DAPK1: variants seen among roughly 807,000 people sequenced by gnomAD.
The protein encoded by DAPK1 is death-associated protein kinase 1.
In DAPK1, 56 loss-of-function variants were observed where a neutral mutation model predicts 144.9. The ratio of observed to expected loss-of-function variants is 0.39; its 90% confidence interval spans 0.31 to 0.48. The LOEUF is 0.48. DAPK1 is among the 20% of genes least tolerant of loss of function. The pLI is 0.95. For missense variants in DAPK1, 1,454 were observed against 1,875.4 expected, an observed-to-expected ratio of 0.78 and a Z score of 4.15; for synonymous variants, 690 against 749.0, an observed-to-expected ratio of 0.92 and a Z score of 1.29.
intron 2 of DAPK1, among the ~76,000 whole-genome samples, chr9:87,603,147 G>A (rs1280005146): frequency 6.6e-6 from 1 of 152,042 alleles, no homozygotes; most frequent in Non-Finnish European, 1.5e-5. Flanking sequence ...TGCCTGGTGG[G>A]GACACAATAA....
At chr9:87,641,746 C>T (rs928885249) in intron 9 of DAPK1, among the ~76,000 whole-genome samples, 2 of 152,186 alleles carry the variant, frequency 1.3e-5, no homozygotes, top group African/African-American at 2.4e-5. Context: ...ACCCCAAGCT[C>T]TACTTCTCCC....
chr9:87,684,374 C>T (rs890568108), intron 20 of DAPK1, among the ~76,000 whole-genome samples: 2 of 152,010 alleles, frequency 1.3e-5, no homozygotes, highest in African/African-American at 4.8e-5. Context: ...CTCTGGACAC[C>T]AGTGACCTCT....
chr9:87,537,652 G>A (rs143724486), intron 2 of DAPK1, among the ~76,000 whole-genome samples: 1 of 152,242 alleles, frequency 6.6e-6, no homozygotes. Context: ...TATGATCTGT[G>A]TGTGCGCGTT....
At chr9:87,586,666 C>G (rs1292886615) in intron 2 of DAPK1, among the ~76,000 whole-genome samples, 1 of 152,090 alleles carries the variant, frequency 6.6e-6, no homozygotes, top group Non-Finnish European at 1.5e-5. Flanking sequence ...TTCTTTTTGC[C>G]TATGTCTGAG....
intron 2 of DAPK1, among the ~76,000 whole-genome samples, chr9:87,593,375 T>C (rs929204588): frequency 6.6e-6 from 1 of 152,168 alleles, no homozygotes; most frequent in African/African-American, 2.4e-5. Context: ...TGCAGGCAAA[T>C]AGTATCTTGA....
chr9:87,599,581 G>C (rs1252971728), intron 2 of DAPK1, among the ~76,000 whole-genome samples: 2 of 152,146 alleles, frequency 1.3e-5, no homozygotes, highest in Admixed American at 1.3e-4. Context: ...GTATGTATCT[G>C]ACCATGAGTA....
intron 15 of DAPK1, 101 bp from the exon 16 acceptor site, chr9:87,649,820 G>C (rs546954868): frequency 9.4e-7 from 1 of 1,063,988 alleles, no homozygotes; most frequent in Non-Finnish European, 1.5e-6. Flanking sequence ...CTGCTGCCTT[G>C]GTTGCGTTTC....
At chr9:87,650,324 T>C in intron 16 of DAPK1, 1 of 552,594 alleles carries the variant, frequency 1.8e-6, no homozygotes, top group Non-Finnish European at 3.2e-6. Context: ...TATAACAAAA[T>C]TCATGAGTTG....
At chr9:87,519,235 C>T (rs555730706) in intron 2 of DAPK1, among the ~76,000 whole-genome samples, 23 of 152,344 alleles carry the variant, frequency 1.5e-4, no homozygotes, top group African/African-American at 5.0e-4. Flanking sequence ...AGGCACCTCC[C>T]GCATGCACCA....
intron 20 of DAPK1, among the ~76,000 whole-genome samples, chr9:87,683,735 C>A (rs923187659): frequency 6.6e-6 from 1 of 152,164 alleles, no homozygotes; most frequent in Non-Finnish European, 1.5e-5. Context: ...GACCCTTTTT[C>A]TGCACGCCCC....
At chr9:87,542,414 A>G (rs1053373807) in intron 2 of DAPK1, among the ~76,000 whole-genome samples, 4 of 152,204 alleles carry the variant, frequency 2.6e-5, no homozygotes, top group African/African-American at 9.7e-5. Context: ...TAAGGAATAA[A>G]GTCATGCTGT....
intron 19 of DAPK1, among the ~76,000 whole-genome samples, chr9:87,675,485 T>G (rs11141939): frequency 0.15 from 23,252 of 151,862 alleles, 2,160 homozygotes; most frequent in East Asian, 0.27. Context: ...TCAGAGGATG[T>G]ACCTGGGTGT....
chr9:87,647,531 C>A, intron 14 of DAPK1, 128 bp downstream of exon 14: 1 of 760,150 alleles, frequency 1.3e-6, no homozygotes, highest in Non-Finnish European at 2.3e-6. Flanking sequence ...ACCTGCAGAA[C>A]ATTTAAGTTG....
At chr9:87,600,599 A>G (rs1469937577) in intron 2 of DAPK1, among the ~76,000 whole-genome samples, 1 of 152,158 alleles carries the variant, frequency 6.6e-6, no homozygotes, top group East Asian at 1.9e-4. Context: ...TCTCAAGAAA[A>G]GAAAAAAAAA....
intron 2 of DAPK1, among the ~76,000 whole-genome samples, chr9:87,517,428 C>T (rs1464623963): frequency 6.6e-6 from 1 of 152,072 alleles, no homozygotes; most frequent in Admixed American, 6.5e-5. Context: ...CTGAGACTCC[C>T]CACTGTTCTC....
At chr9:87,559,310 C>CTAGGCTAGGG in intron 2 of DAPK1, among the ~76,000 whole-genome samples, 1 of 136,686 alleles carries the variant, frequency 7.3e-6, no homozygotes, top group African/African-American at 3.6e-5. Context: ...GTAGGCTAGG[C>CTAGGCTAGGG]TAGGGTAGGG....
intron 2 of DAPK1, among the ~76,000 whole-genome samples, chr9:87,574,240 G>T (rs551484261): frequency 6.6e-6 from 1 of 152,288 alleles, no homozygotes; most frequent in African/African-American, 2.4e-5. Flanking sequence ...TAGTTATGTG[G>T]CCATAAGGAA....
At chr9:87,543,446 C>T (rs1017617724) in intron 2 of DAPK1, among the ~76,000 whole-genome samples, 2 of 152,172 alleles carry the variant, frequency 1.3e-5, no homozygotes, top group African/African-American at 4.8e-5. Context: ...CTTTAAAATA[C>T]ATTGTTAATA....
At chr9:87,540,161 T>C (rs1307877619) in intron 2 of DAPK1, among the ~76,000 whole-genome samples, 1 of 151,650 alleles carries the variant, frequency 6.6e-6, no homozygotes, top group Non-Finnish European at 1.5e-5. Flanking sequence ...TTGTATTTAT[T>C]GCTAATTATT....
Sources: gnomAD v4.1 joint callset for allele counts (sites outside exome capture counted in the v4.1 genomes callset) on GRCh38, gnomAD v4.1.1 for gene constraint, MANE v1.5 for transcripts, NCBI Gene and HGNC (gene_info 2026-07-23, HGNC 2026-07-21) for gene names.